ASTN2: variants seen among roughly 807,000 people sequenced by gnomAD.
The protein encoded by ASTN2 is astrotactin 2, also known as astrotactin-2.
A neutral mutation model predicts 139.8 loss-of-function variants in ASTN2; 54 were observed. The ratio of observed to expected loss-of-function variants is 0.39; its 90% CI spans 0.31 to 0.48. The LOEUF (loss-of-function observed/expected upper bound fraction) is 0.48. Ranked by LOEUF, ASTN2 falls within the 20% of genes least tolerant of loss-of-function variation. The probability of loss-of-function intolerance (pLI) is 0.95; values close to 1 mark genes in which losing one functional copy is unlikely to be tolerated. For synonymous variants in ASTN2, 756 were observed against 719.5 expected, an observed-to-expected ratio of 1.05 and a Z score of -0.81; for missense variants, 1,565 against 1,725.1, an observed-to-expected ratio of 0.91 and a Z score of 1.64.
chr9:117,300,526 C>T (rs981736018), intron 1 of ASTN2, among the ~76,000 whole-genome samples: 7 of 152,110 alleles, frequency 4.6e-5, no homozygotes, highest in African/African-American at 1.4e-4. Context: ...GTGGTAATGA[C>T]CACAAGATAG....
chr9:116,836,584 T>A (rs1307823738), intron 11 of ASTN2, among the ~76,000 whole-genome samples: 2 of 151,754 alleles, frequency 1.3e-5, no homozygotes, highest in Non-Finnish European at 2.9e-5. Flanking sequence ...TTGTTTTGTT[T>A]TGTTTTGTTT....
chr9:116,710,522 G>A (rs1365144895), intron 16 of ASTN2, among the ~76,000 whole-genome samples: 3 of 151,552 alleles, frequency 2.0e-5, no homozygotes, highest in Non-Finnish European at 4.4e-5. Context: ...ACCTGAGGTC[G>A]GGGGTTTGAG....
intron 5 of ASTN2, among the ~76,000 whole-genome samples, chr9:117,058,183 A>G (rs1385189963): frequency 6.6e-6 from 1 of 152,194 alleles, no homozygotes; most frequent in East Asian, 1.9e-4. Flanking sequence ...ATATTTGATA[A>G]AAGAATAAAT....
rs1172597447 is a variant in ASTN2, at chr9:116,863,582, C to G, written c.2040+1G>C. ...ATGTTCCCGGGCCAATGGGCACTTA[C>G]CACACATCCCGAGGAATCCACCTGC... is the stretch of plus-strand genomic sequence containing the variant. On this transcript the variant is annotated splice_donor_variant, in intron 11 of 22. Transcript: ENST00000313400. LOFTEE classifies it high-confidence loss of function. 6.2e-7 allele frequency: 1 copy of G among 1,613,866 alleles called. No individual in the cohort carries two copies. Among genetic ancestry groups the G allele is most frequent in the Non-Finnish European group, 8.5e-7 (1 of 1,179,842 alleles).
At chr9:116,882,200 A>T (rs1833466740) in intron 10 of ASTN2, among the ~76,000 whole-genome samples, 1 of 152,306 alleles carries the variant, frequency 6.6e-6, no homozygotes, top group East Asian at 1.9e-4. Flanking sequence ...GTACCCAACA[A>T]GGCCAACAGC....
intron 1 of ASTN2, among the ~76,000 whole-genome samples, chr9:117,359,659 T>C (rs1428504573): frequency 6.6e-6 from 1 of 152,180 alleles, no homozygotes; most frequent in Non-Finnish European, 1.5e-5. Flanking sequence ...TTCTGATCAG[T>C]AGCCAGCACA....
intron 10 of ASTN2, among the ~76,000 whole-genome samples, chr9:116,907,546 A>T (rs533282051): frequency 6.6e-6 from 1 of 152,314 alleles, no homozygotes; most frequent in Admixed American, 6.5e-5. Context: ...GGTGTTAAGC[A>T]AGGCTAAATG....
intron 10 of ASTN2, among the ~76,000 whole-genome samples, chr9:116,953,549 G>C (rs1339126228): frequency 6.6e-6 from 1 of 152,162 alleles, no homozygotes. Context: ...GTTAGGACCC[G>C]AATTACAGAG....
Position 116,854,563 on chromosome 9 carries a change from G to A in ASTN2, c.2040+9020C>T, listed in dbSNP as rs1400858715. Among the ~76,000 whole-genome samples the A allele has an allele frequency of 2.6e-5, 4 of 152,006 alleles. No homozygotes were observed. The East Asian group carries it at 7.7e-4, about 29-fold the overall frequency. On this transcript the variant is annotated intron_variant, in intron 11 of 22. Transcript: ENST00000313400. The stretch of plus-strand genomic sequence containing the variant: ...GTAGTGGGAGATGGTAGTGGGAGCA[G>A]TGATTTATGCAGGGCTTGCAGACAA...
intron 3 of ASTN2, among the ~76,000 whole-genome samples, chr9:117,157,005 C>T (rs1298332906): frequency 1.3e-5 from 2 of 151,970 alleles, no homozygotes; most frequent in African/African-American, 4.8e-5. Flanking sequence ...TACAGACATA[C>T]ACCCTCTTGT....
At chr9:116,727,522 G>C (rs922545533) in intron 15 of ASTN2, among the ~76,000 whole-genome samples, 1 of 100,292 alleles carries the variant, frequency 1.0e-5, no homozygotes, top group Non-Finnish European at 2.2e-5. Context: ...TGTGGGGTGT[G>C]GGGGGCAGAA....
At chr9:117,308,608 A>AT (rs1279122646) in intron 1 of ASTN2, among the ~76,000 whole-genome samples, 4 of 152,176 alleles carry the variant, frequency 2.6e-5, no homozygotes, top group Non-Finnish European at 5.9e-5. Context: ...CTGCAGAGTC[A>AT]TTTTTCCAGG....
At chr9:117,305,508 C>T (rs987398984) in intron 1 of ASTN2, among the ~76,000 whole-genome samples, 2 of 152,164 alleles carry the variant, frequency 1.3e-5, no homozygotes, top group African/African-American at 4.8e-5. Context: ...GGATTCCCAC[C>T]TCTGCCACTC....
At chr9:116,700,829 C>G (rs1333889290) in intron 16 of ASTN2, 3 of 166,900 alleles carry the variant, frequency 1.8e-5, no homozygotes, top group African/African-American at 4.8e-5. Flanking sequence ...TGCCATTTTG[C>G]TTCCTTATCT....
intron 7 of ASTN2, among the ~76,000 whole-genome samples, chr9:116,988,893 C>T (rs1258828899): frequency 6.6e-6 from 1 of 152,126 alleles, no homozygotes; most frequent in Admixed American, 6.6e-5. Context: ...CATCTCATCT[C>T]TCTGAGTTTC....
At chr9:116,551,007 G>A (rs1241566753) in intron 19 of ASTN2, 1 of 152,276 alleles carries the variant, frequency 6.6e-6, no homozygotes, top group Non-Finnish European at 1.5e-5. Flanking sequence ...TGTGGAGCCA[G>A]GAGAGAAGGG....
chr9:117,185,938 G>C (rs994588971), intron 3 of ASTN2, among the ~76,000 whole-genome samples: 12 of 152,252 alleles, frequency 7.9e-5, no homozygotes, highest in East Asian at 1.9e-4. Flanking sequence ...GACTGTTTCT[G>C]ATCATACCTG....
chr9:116,429,672 T>C (rs1199718881), intron 22 of ASTN2, among the ~76,000 whole-genome samples: 1 of 152,202 alleles, frequency 6.6e-6, no homozygotes, highest in Non-Finnish European at 1.5e-5. Flanking sequence ...TAGGTGTATT[T>C]TGTGTACTGG....
intron 19 of ASTN2, among the ~76,000 whole-genome samples, chr9:116,514,064 T>C (rs984914878): frequency 3.3e-5 from 5 of 152,060 alleles, no homozygotes; most frequent in African/African-American, 1.2e-4. Context: ...CCTTTGGAGG[T>C]GGAGAGGTGC....
Sources: allele counts gnomAD v4.1 joint callset (sites outside exome capture counted in the v4.1 genomes callset), GRCh38; gene constraint gnomAD v4.1.1; transcripts MANE v1.5; gene names NCBI Gene and HGNC (gene_info 2026-07-23, HGNC 2026-07-21).